The following LRRC8A variants were observed in gnomAD, a reference collection of about 807,000 sequenced individuals.
LRRC8A encodes leucine rich repeat containing 8 VRAC subunit A.
A neutral mutation model predicts 52.5 loss-of-function variants in LRRC8A; 24 were observed. The ratio of observed to expected loss-of-function variants is 0.46; its 90% confidence interval spans 0.33 to 0.64. LRRC8A has a LOEUF of 0.64. LRRC8A is among the 30% of genes least tolerant of loss of function. The pLI is 0.02. For missense variants in LRRC8A, 677 were observed against 1,094.7 expected, an observed-to-expected ratio of 0.62 and a Z score of 5.38; for synonymous variants, 492 against 494.2, an observed-to-expected ratio of 1.00 and a Z score of 0.06.
Position 128,908,929 on chromosome 9 carries a change from AAGATGGCGAACCTGACTG to A in LRRC8A, c.1768_1785del (p.Met590_Glu595del). The A allele has an allele frequency of 6.2e-7, 1 of 1,613,954 alleles. No homozygotes were observed. The highest frequency in any genetic ancestry group is 8.5e-7 in the Non-Finnish European group (1 of 1,179,974). ...GCTCATCGTCCTCAACAGCCTCAAG[AAGATGGCGAACCTGACTG>A]AGCTGGAGCTGATCCGCTGTGACCT... is the stretch of plus-strand genomic sequence containing the variant. On this transcript the variant is annotated inframe_deletion, in exon 3 of 4. Coordinates refer to ENST00000372600, the MANE Select transcript of LRRC8A (RefSeq NM_019594.4).
intron 2 of LRRC8A, among the ~76,000 whole-genome samples, chr9:128,904,997 CAAAAAAAAAA>C (rs770042979): frequency 1.7e-4 from 5 of 29,864 alleles, no homozygotes; most frequent in East Asian, 1.6e-3. Flanking sequence ...GACTCCGTCT[CAAAAAAAAAA>C]AAAAAAAAAA....
At chr9:128,882,735 T>C in intron 1 of LRRC8A, 2 of 398,878 alleles carry the variant, frequency 5.0e-6, no homozygotes, top group Non-Finnish European at 8.8e-6. Flanking sequence ...ATGGGGGCAG[T>C]GCCCTGACTT....
At chr9:128,898,038 CAGTGTGTGTGTGTGTGTGTGTGTG>C (rs1302767742) in intron 2 of LRRC8A, among the ~76,000 whole-genome samples, 1 of 62,622 alleles carries the variant, frequency 1.6e-5, no homozygotes, top group Non-Finnish European at 2.8e-5. Flanking sequence ...TAAGATTGTT[CAGTGTGTGTGTGTGTGTGTGTGTG>C]TGTGTGTGTG....
At chr9:128,904,781 T>C (rs1564525382) in intron 2 of LRRC8A, among the ~76,000 whole-genome samples, 1 of 151,242 alleles carries the variant, frequency 6.6e-6, no homozygotes, top group African/African-American at 2.4e-5. Flanking sequence ...GATCACAAGG[T>C]CAGGAGAACG....
At chr9:128,895,178 G>A (rs1162097789) in intron 2 of LRRC8A, among the ~76,000 whole-genome samples, 3 of 151,962 alleles carry the variant, frequency 2.0e-5, no homozygotes, top group Non-Finnish European at 2.9e-5. Flanking sequence ...GATGTCTCTG[G>A]GGTCACTGCA....
chr9:128,908,103 C>A lies in LRRC8A; in HGVS notation c.939C>A (p.Pro313=). The change falls in exon 3 of 4, where the codon CCC becomes CCA. Residue 313 remains proline, a synonymous_variant. Transcript: ENST00000372600. ...ACCGCACCTACCGCTGTGCCCACCC[C>A]CTGGCCACACTCTTCAAGATCCTGG... ...TGYRTYRCAH[P]LATLFKILAS... is the part of the protein sequence containing the mutation. 1 of 1,613,992 alleles carries A rather than the reference C, an allele frequency of 6.2e-7. No homozygotes were observed. The highest frequency in any genetic ancestry group is 1.1e-5 in the South Asian group (1 of 91,082).
At chr9:128,906,709 C>T (rs966011104) in intron 2 of LRRC8A, among the ~76,000 whole-genome samples, 5 of 152,228 alleles carry the variant, frequency 3.3e-5, no homozygotes, top group East Asian at 1.9e-4. Context: ...GCGGGAATCC[C>T]TCCAGCCCTT....
intron 2 of LRRC8A, among the ~76,000 whole-genome samples, chr9:128,895,602 C>T (rs1295197787): frequency 2.6e-5 from 4 of 152,218 alleles, no homozygotes; most frequent in Non-Finnish European, 5.9e-5. Context: ...GTCCTAGGCA[C>T]CTGCTTGAGC....
intron 2 of LRRC8A, among the ~76,000 whole-genome samples, chr9:128,888,709 G>A (rs1316023136): frequency 6.6e-6 from 1 of 152,068 alleles, no homozygotes; most frequent in African/African-American, 2.4e-5. Flanking sequence ...GCAGGATCGC[G>A]CTGGGAGTGA....
intron 2 of LRRC8A, among the ~76,000 whole-genome samples, chr9:128,893,222 G>T (rs1839694255): frequency 6.6e-6 from 1 of 152,006 alleles, no homozygotes; most frequent in South Asian, 2.1e-4. Flanking sequence ...GTCCTGGGGG[G>T]TCCTGTGGGT....
chr9:128,884,448 G>C (rs1256566107), intron 1 of LRRC8A, among the ~76,000 whole-genome samples: 2 of 152,110 alleles, frequency 1.3e-5, no homozygotes, highest in African/African-American at 2.4e-5. Context: ...TGCCTGTCTT[G>C]GGCCTGGGAT....
rs894653902 is a variant in LRRC8A at position 128,908,962 on chromosome 9, C to T, written c.1798C>T (p.Arg600Cys). 26 of 1,614,030 alleles carry T rather than the reference C, an allele frequency of 1.6e-5. No individual in the cohort carries two copies. Among genetic ancestry groups the T allele is most frequent in the Middle Eastern group, 1.6e-4 (1 of 6,084 alleles). ...MANLTELELI[R>C]CDLERIPHSI... ...GAACCTGACTGAGCTGGAGCTGATC[C>T]GCTGTGACCTGGAGCGCATCCCCCA... Residue 600 changes from arginine to cysteine, a missense_variant, in exon 3 of 4, where the codon CGC (arginine) becomes TGC (cysteine). Around this residue, in one of 4 missense-constraint regions of LRRC8A, gnomAD observed 422 missense variants for 741.5 expected, o/e 0.57. Coordinates refer to ENST00000372600, the MANE Select transcript of LRRC8A (RefSeq NM_019594.4).
Position 128,907,985 on chromosome 9 carries a change from A to G in LRRC8A, c.821A>G (p.Lys274Arg), listed in dbSNP as rs779523995. 1 of 1,614,066 alleles carries G rather than the reference A, an allele frequency of 6.2e-7. No homozygotes were observed. The highest frequency in any genetic ancestry group is 8.5e-7 in the Non-Finnish European group (1 of 1,180,022). Reference sequence around the variant, plus strand: ...CGGCAGACCATCATCAAGGTGATCAAGTTCATCCTCATCATCTGCTACACC... The same window carrying G: ...CGGCAGACCATCATCAAGGTGATCAGGTTCATCCTCATCATCTGCTACACC... ...YMRQTIIKVI[K>R]FILIICYTVY... Residue 274 changes from lysine to arginine, a missense_variant, in exon 3 of 4, where the codon AAG becomes AGG. Physicochemically the swap from Lys to Arg is conservative, Grantham distance 26 (BLOSUM62 2). Coordinates refer to ENST00000372600, the MANE Select transcript of LRRC8A (RefSeq NM_019594.4). This position sits in a 1 kb window ranked among gnomAD's most constrained non-coding sequence, Gnocchi z 9.3.
intron 1 of LRRC8A, 64 bp downstream of exon 1, chr9:128,882,314 C>T (rs1588185228): frequency 6.1e-6 from 1 of 163,488 alleles, no homozygotes; most frequent in South Asian, 2.0e-4. Flanking sequence ...TTACACACGC[C>T]CTCGGCCAGC....
chr9:128,913,538 A>G (rs1417945710), intron 3 of LRRC8A, among the ~76,000 whole-genome samples: 2 of 151,962 alleles, frequency 1.3e-5, no homozygotes, highest in Non-Finnish European at 2.9e-5. Context: ...CGAGCAACTG[A>G]GAGTACCTCC....
At chr9:128,890,280 G>T (rs956990700) in intron 2 of LRRC8A, among the ~76,000 whole-genome samples, 1 of 151,968 alleles carries the variant, frequency 6.6e-6, no homozygotes, top group East Asian at 1.9e-4. Flanking sequence ...TTCCAGATGC[G>T]TTTCTGTTGC....
intron 1 of LRRC8A, chr9:128,882,808 G>A: frequency 5.0e-6 from 2 of 398,784 alleles, no homozygotes; most frequent in Non-Finnish European, 8.8e-6. Flanking sequence ...GGGAAGACCG[G>A]TCCGGAATCT....
In LRRC8A at chr9:128,916,392, C is replaced by G. The variant is rs760500008; in HGVS notation, c.*21C>G. The stretch of plus-strand genomic sequence containing the variant: ...CCTGAGCGAGGCCGGCCCAGCACAG[C>G]AAGCAGCAGGACCGCTGCCCAGTCC... On this transcript the variant is annotated 3_prime_UTR_variant, in exon 4 of 4. Coordinates refer to ENST00000372600, the MANE Select transcript of LRRC8A (RefSeq NM_019594.4). This position sits in a 1 kb window ranked among gnomAD's most constrained non-coding sequence, Gnocchi z 6.1. 6.9e-6 allele frequency: 11 copies of G among 1,598,824 alleles called. No individual in the cohort carries two copies. The South Asian group carries it at 1.1e-4, about 16-fold the overall frequency.
At chr9:128,897,995 A>G (rs1207803237) in intron 2 of LRRC8A, among the ~76,000 whole-genome samples, 1 of 150,748 alleles carries the variant, frequency 6.6e-6, no homozygotes, top group Admixed American at 6.6e-5. Flanking sequence ...TTGGGGTGAA[A>G]AAGGGTAATA....
Sources: gnomAD v4.1 joint callset for allele counts (sites outside exome capture counted in the v4.1 genomes callset) on GRCh38, gnomAD v4.1.1 for gene constraint, gnomAD v4.1.1 regional missense constraint, Gnocchi (gnomAD v3.1) non-coding constraint, MANE v1.5 for transcripts, NCBI Gene and HGNC (gene_info 2026-07-23, HGNC 2026-07-21) for gene names.